The following RYR3 variants were observed in gnomAD, a reference collection of about 807,000 sequenced individuals.
RYR3 encodes the protein ryanodine receptor 3, also known as brain ryanodine receptor-calcium release channel.
In RYR3, 207 loss-of-function variants were observed where a neutral mutation model predicts 584.3. The observed-to-expected ratio is 0.35, with a 90% CI of 0.32 to 0.40. RYR3 has a LOEUF of 0.40. Ranked by LOEUF, RYR3 falls within the 10% of genes least tolerant of loss-of-function variation. The pLI is 1.00. For synonymous variants in RYR3, 2,416 were observed against 2,248.5 expected (o/e 1.07, Z -2.11); for missense variants, 5,616 against 6,089.2 (o/e 0.92, Z 2.59).
chr15:33,660,443 A>T lies in RYR3; in HGVS notation c.4622+20A>T, dbSNP rs2063093997. The T allele has an allele frequency of 1.3e-6, 2 of 1,506,076 alleles. No homozygotes were observed. Among genetic ancestry groups the T allele is most frequent in the Admixed American group, 2.0e-5 (1 of 49,154 alleles). 93.3% of individuals were successfully genotyped at this position (1,506,076 alleles called of 1,614,324 possible). Reference sequence around the variant, plus strand: ...GAACAGGTACCAGAGGGGCCCGCGAAGGAAGGGGCAGGCCTGAGGGGCAGG... The same window carrying T: ...GAACAGGTACCAGAGGGGCCCGCGATGGAAGGGGCAGGCCTGAGGGGCAGG... On this transcript the variant is annotated intron_variant, in intron 34 of 103. Coordinates refer to ENST00000634891, the MANE Select transcript of RYR3 (RefSeq NM_001036.6).
chr15:33,453,907 T>C (rs565821915), intron 1 of RYR3, among the ~76,000 whole-genome samples: 11 of 152,332 alleles, frequency 7.2e-5, no homozygotes, highest in Non-Finnish European at 1.3e-4. Context: ...TTTCTTTTCA[T>C]TGGGTCCTTT....
intron 7 of RYR3, among the ~76,000 whole-genome samples, chr15:33,541,561 A>G (rs2055818715): frequency 1.3e-5 from 2 of 152,188 alleles, no homozygotes; most frequent in Admixed American, 6.5e-5. Context: ...TCAGTGACCT[A>G]TGGGCTATTG....
chr15:33,336,642 G>A (rs1216801742), intron 1 of RYR3, among the ~76,000 whole-genome samples: 1 of 151,666 alleles, frequency 6.6e-6, no homozygotes, highest in African/African-American at 2.4e-5. Context: ...TTTCATCTGC[G>A]TTTGAAAGTA....
intron 12 of RYR3, among the ~76,000 whole-genome samples, chr15:33,572,989 A>G (rs1329761064): frequency 1.8e-4 from 28 of 152,146 alleles, no homozygotes; most frequent in Non-Finnish European, 3.7e-4. Flanking sequence ...AATAAATAAA[A>G]AATAAAAATA....
chr15:33,531,331 A>T (rs1214449854), intron 4 of RYR3, among the ~76,000 whole-genome samples: 1 of 151,892 alleles, frequency 6.6e-6, no homozygotes, highest in Non-Finnish European at 1.5e-5. Flanking sequence ...TATAATTTAT[A>T]AAAAAATATA....
intron 38 of RYR3, among the ~76,000 whole-genome samples, chr15:33,685,876 G>A (rs1400277200): frequency 2.0e-5 from 3 of 152,174 alleles, no homozygotes; most frequent in African/African-American, 4.8e-5. Flanking sequence ...CAGAAATAAC[G>A]ATGTTCTTTG....
Position 33,791,698 on chromosome 15 carries a change from A to T in RYR3, c.9830+3240A>T, listed in dbSNP as rs116735051. On this transcript the variant is annotated intron_variant, in intron 67 of 103. Transcript: ENST00000634891. ...TTCAGCTGTCAGATATCAACCAAGAATAGGAAGGAAGTTGCATTTAATGAG... is the reference window on the plus strand; with the variant it reads ...TTCAGCTGTCAGATATCAACCAAGATTAGGAAGGAAGTTGCATTTAATGAG... Among the ~76,000 whole-genome samples the T allele has an allele frequency of 5.3e-3, 804 of 152,316 alleles. 7 individuals carry two copies. The highest frequency in any genetic ancestry group is 0.018 in the African/African-American group (748 of 41,574).
chr15:33,762,663 A>G (rs1214566412), intron 60 of RYR3, among the ~76,000 whole-genome samples: 2 of 152,238 alleles, frequency 1.3e-5, no homozygotes, highest in Admixed American at 6.5e-5. Flanking sequence ...GATAGGAAGA[A>G]TCAATATCCT....
intron 15 of RYR3, 41 bp from the exon 16 acceptor site, chr15:33,585,957 G>T: frequency 8.3e-7 from 1 of 1,207,638 alleles, no homozygotes; most frequent in South Asian, 1.2e-5. Flanking sequence ...CTTCTGCAGG[G>T]CATTTAATGT....
At chr15:33,518,349 T>C (rs537413386) in intron 3 of RYR3, among the ~76,000 whole-genome samples, 2 of 152,364 alleles carry the variant, frequency 1.3e-5, no homozygotes, top group Admixed American at 6.5e-5. Flanking sequence ...TATTATTTTT[T>C]TTCTTCACTG....
chr15:33,778,504 G>C (rs768890174), intron 64 of RYR3, among the ~76,000 whole-genome samples: 29 of 152,338 alleles, frequency 1.9e-4, no homozygotes, highest in Middle Eastern at 3.4e-3. Flanking sequence ...AAGTTAAAAT[G>C]ATGCCCCTCT....
chr15:33,707,136 AT>A (rs2066775407), intron 43 of RYR3, 82 bp downstream of exon 43: 1 of 1,480,928 alleles, frequency 6.8e-7, no homozygotes, highest in Non-Finnish European at 9.3e-7. Flanking sequence ...TATCCTTTCC[AT>A]TGCTTCTTAT....
intron 1 of RYR3, among the ~76,000 whole-genome samples, chr15:33,411,103 A>G (rs144230719): frequency 1.3e-5 from 2 of 152,268 alleles, no homozygotes; most frequent in African/African-American, 4.8e-5. Context: ...GACCAACCCT[A>G]TCAGCCACCC....
Position 33,707,066 on chromosome 15 carries a change from A to G in RYR3, c.6619+12A>G. ...TGTCTTCGTGAACAGTGAGTCCCACATTTTTCCATACCTCTTATACCCAGA... is the reference window on the plus strand; with the variant it reads ...TGTCTTCGTGAACAGTGAGTCCCACGTTTTTCCATACCTCTTATACCCAGA... On this transcript the variant is annotated intron_variant, in intron 43 of 103. Transcript: ENST00000634891. 1 of 1,613,694 alleles carries G rather than the reference A, an allele frequency of 6.2e-7. No individual in the cohort carries two copies. Among genetic ancestry groups the G allele is most frequent in the Non-Finnish European group, 8.5e-7 (1 of 1,179,754 alleles).
intron 1 of RYR3, among the ~76,000 whole-genome samples, chr15:33,424,443 T>C (rs1311753191): frequency 6.6e-6 from 1 of 152,210 alleles, no homozygotes; most frequent in African/African-American, 2.4e-5. Flanking sequence ...TTCTGTTTTC[T>C]CAAAACAAAC....
chr15:33,794,124 T>TATTATATAAATATAATATACATAA, intron 67 of RYR3, among the ~76,000 whole-genome samples: 2 of 44,334 alleles, frequency 4.5e-5, no homozygotes, highest in African/African-American at 1.3e-4. Context: ...TACATAAATA[T>TATTATATAAATATAATATACATAA]ATATTTATAT....
At position 33,390,794 on chromosome 15, in the gene RYR3, C is replaced by A. The variant is rs574410024; in HGVS notation, c.51+79698C>A. 9.2e-5 allele frequency among the ~76,000 whole-genome samples: 14 copies of A among 152,210 alleles called. No homozygotes were observed. Among genetic ancestry groups the A allele is most frequent in the Non-Finnish European group, 1.2e-4 (8 of 68,008 alleles). The stretch of plus-strand genomic sequence containing the variant: ...GTCAGAGGGTGCTTCTGTGACCATA[C>A]CCCAATAAAAACCCTGGATGCTGAC... On this transcript the variant is annotated intron_variant, in intron 1 of 103. Coordinates refer to ENST00000634891, the MANE Select transcript of RYR3 (RefSeq NM_001036.6). This position sits in a 1 kb window ranked among gnomAD's most constrained non-coding sequence, Gnocchi z 4.2.
At chr15:33,323,800 G>A (rs1311737345) in intron 1 of RYR3, among the ~76,000 whole-genome samples, 1 of 152,056 alleles carries the variant, frequency 6.6e-6, no homozygotes, top group African/African-American at 2.4e-5. Flanking sequence ...TGTCCCCTGG[G>A]CTTTGCTCTG....
chr15:33,410,062 T>C (rs1444075849), intron 1 of RYR3, among the ~76,000 whole-genome samples: 1 of 152,194 alleles, frequency 6.6e-6, no homozygotes, highest in African/African-American at 2.4e-5. Context: ...TTATTTTTTT[T>C]CTGAACATAG....
Sources: allele counts gnomAD v4.1 joint callset (sites outside exome capture counted in the v4.1 genomes callset), GRCh38; gene constraint gnomAD v4.1.1; non-coding constraint Gnocchi (gnomAD v3.1); transcripts MANE v1.5; gene names NCBI Gene and HGNC (gene_info 2026-07-23, HGNC 2026-07-21).